Variants in MGAT4A observed in about 807,000 individuals in gnomAD.
The protein encoded by MGAT4A is alpha-1,3-mannosyl-glycoprotein 4-beta-N-acetylglucosaminyltransferase A.
MGAT4A carries 33 observed loss-of-function variants against 74.1 expected under a neutral mutation model. The observed-to-expected ratio is 0.45, with a 90% CI of 0.34 to 0.60. The LOEUF is 0.60. Among genes scored for constraint, MGAT4A ranks in the 20% least tolerant of loss-of-function variants. MGAT4A has a pLI of 0.02. For missense variants in MGAT4A, 479 were observed against 628.3 expected, an observed-to-expected ratio of 0.76 and a Z score of 2.54; for synonymous variants, 198 against 210.4, an observed-to-expected ratio of 0.94 and a Z score of 0.51.
At chr2:98,681,802 T>C (rs1235977067) in intron 2 of MGAT4A, among the ~76,000 whole-genome samples, 6 of 151,938 alleles carry the variant, frequency 3.9e-5, no homozygotes, top group African/African-American at 1.5e-4. Context: ...AAAAAAGAGT[T>C]TTTTTAAGAA....
At chr2:98,687,817 T>C (rs906559808) in intron 2 of MGAT4A, among the ~76,000 whole-genome samples, 2 of 152,126 alleles carry the variant, frequency 1.3e-5, no homozygotes, top group Non-Finnish European at 2.9e-5. Context: ...CAACACCGGC[T>C]AGTGCTTCCA....
chr2:98,713,737 C>G (rs1208431093), intron 2 of MGAT4A, among the ~76,000 whole-genome samples: 3 of 152,110 alleles, frequency 2.0e-5, no homozygotes, highest in Non-Finnish European at 2.9e-5. Context: ...CTCAGCATAC[C>G]TTTTTTACTG....
chr2:98,625,822 A>G lies in MGAT4A; in HGVS notation c.1482T>C (p.Asn494=). The change falls in exon 15 of 16, where the codon AAT becomes AAC. Residue 494 remains asparagine (N), a synonymous_variant. Transcript: ENST00000393487. The part of the protein sequence containing the change: ...DGYFRIGKFE[N]GVAEGMVDPS... Reference sequence around the variant, plus strand: ...GATCCACCATTCCTTCTGCAACACCATTCTCAAATTTTCCTTCAAAATAAA... The same window carrying G: ...GATCCACCATTCCTTCTGCAACACCGTTCTCAAATTTTCCTTCAAAATAAA... 6.2e-7 allele frequency: 1 copy of G among 1,607,876 alleles called. No homozygotes were observed. The highest frequency in any genetic ancestry group is 8.5e-7 in the Non-Finnish European group (1 of 1,175,292).
rs1301261161 is a variant in MGAT4A at position 98,621,441 on chromosome 2, A to G, written c.*4125T>C. 2 of 1,551,600 alleles carry G rather than the reference A, an allele frequency of 1.3e-6. No individual in the cohort carries two copies. The highest frequency in any genetic ancestry group is 1.2e-5 in the South Asian group (1 of 84,050). On this transcript the variant is annotated 3_prime_UTR_variant, in exon 16 of 16. Coordinates refer to ENST00000393487, the MANE Select transcript of MGAT4A (RefSeq NM_012214.3). ...GCAGCCCCCTCTACCTTAAAACAGC[A>G]ATGGTGCCTGAGGTCCTTCTGCTTT... is the stretch of plus-strand genomic sequence containing the variant.
chr2:98,642,800 C>G (rs1387652141), intron 10 of MGAT4A, among the ~76,000 whole-genome samples: 1 of 152,116 alleles, frequency 6.6e-6, no homozygotes, highest in African/African-American at 2.4e-5. Context: ...TCTGCCATTG[C>G]TAGATTCCAT....
Position 98,625,189 on chromosome 2 carries a change from T to A in MGAT4A, c.*377A>T. On this transcript the variant is annotated 3_prime_UTR_variant, in exon 16 of 16. Transcript: ENST00000393487. The stretch of plus-strand genomic sequence containing the variant: ...ATCCCTGATAATCTATAAAAGAGGG[T>A]CTATAATAGTAAAATAAGTGAACCT... 2.4e-6 allele frequency: 2 copies of A among 830,774 alleles called. No individual in the cohort carries two copies. The highest frequency in any genetic ancestry group is 2.9e-6 in the Non-Finnish European group (2 of 687,888). 51.5% of individuals were successfully genotyped at this position (830,774 alleles called of 1,614,324 possible). A position where few individuals can be genotyped will look rare whatever the true frequency, so the allele number is the denominator to read the frequency against.
At position 98,622,472 on chromosome 2, in the gene MGAT4A, C is replaced by T. The variant is rs562803340; in HGVS notation, c.*3094G>A. 2.0e-6 allele frequency: 2 copies of T among 985,424 alleles called. No individual in the cohort carries two copies. The highest frequency in any genetic ancestry group is 1.1e-4 in the East Asian group (1 of 8,810). The allele number at this position is 985,424 out of a possible 1,614,324, so 61.0% of individuals were successfully genotyped here. On this transcript the variant is annotated 3_prime_UTR_variant, in exon 16 of 16. Transcript: ENST00000393487. ...TAGTCCCAACCTTTGACACTTTTTC[C>T]ATTTACTATTTTGGTAAAATGATTC...
chr2:98,722,536 G>T (rs920018865), intron 2 of MGAT4A, among the ~76,000 whole-genome samples: 2 of 152,180 alleles, frequency 1.3e-5, no homozygotes, highest in African/African-American at 4.8e-5. Flanking sequence ...GGAGGGGAGG[G>T]GAGGGAGGTA....
chr2:98,722,069 C>T (rs546095673), intron 2 of MGAT4A, among the ~76,000 whole-genome samples: 1 of 152,172 alleles, frequency 6.6e-6, no homozygotes, highest in Non-Finnish European at 1.5e-5. Flanking sequence ...CAGGTCTCAT[C>T]ACTTTGAAAA....
intron 2 of MGAT4A, among the ~76,000 whole-genome samples, chr2:98,685,955 T>C (rs1343168031): frequency 6.6e-6 from 1 of 152,202 alleles, no homozygotes; most frequent in Admixed American, 6.5e-5. Context: ...AGTTCTAGTC[T>C]ACCAGTTCCT....
rs1235038369 is a variant in MGAT4A at position 98,619,806 on chromosome 2, A to C, written c.*5760T>G. 2.0e-5 allele frequency: 3 copies of C among 152,252 alleles called. No homozygotes were observed. The highest frequency in any genetic ancestry group is 7.2e-5 in the African/African-American group (3 of 41,468). 9.4% of individuals were successfully genotyped at this position (152,252 alleles called of 1,614,324 possible). Reference sequence around the variant, plus strand: ...CTAATACAATGAAACAACTAGGAGCAAGTGACACATAAAATAGCCTCCCTA... The same window carrying C: ...CTAATACAATGAAACAACTAGGAGCCAGTGACACATAAAATAGCCTCCCTA... On this transcript the variant is annotated 3_prime_UTR_variant, in exon 16 of 16. Coordinates refer to ENST00000393487, the MANE Select transcript of MGAT4A (RefSeq NM_012214.3).
intron 14 of MGAT4A, among the ~76,000 whole-genome samples, chr2:98,627,312 T>G (rs1701159560): frequency 6.6e-6 from 1 of 152,234 alleles, no homozygotes; most frequent in African/African-American, 2.4e-5. Flanking sequence ...TAAGCACCAT[T>G]TTGTCTTGTA....
chr2:98,659,489 T>C lies in MGAT4A; in HGVS notation c.538-1225A>G, dbSNP rs188687477. On this transcript the variant is annotated intron_variant, in intron 5 of 15. Transcript: ENST00000393487. ...CATTTTTGAGCCAGCCAGAGCCCTA[T>C]TGATATGGTTTGGCGTGTCCCCACC... Among the ~76,000 whole-genome samples, 10 of 152,248 alleles carry C rather than the reference T, an allele frequency of 6.6e-5. No individual in the cohort carries two copies. In the East Asian group the frequency reaches 1.2e-3, roughly 18 times the overall value.
At position 98,710,528 on chromosome 2, in the gene MGAT4A, C is replaced by T. The variant is rs182910106; in HGVS notation, c.94+15711G>A. Among the ~76,000 whole-genome samples, 466 of 152,230 alleles carry T rather than the reference C, an allele frequency of 3.1e-3. 2 individuals carry two copies. The highest frequency in any genetic ancestry group is 0.011 in the African/African-American group (440 of 41,528). ...AGGCTGGAGTGCAGTGGCCCGAACT[C>T]GGCTCACTGCAAACTTCACCTCCCC... On this transcript the variant is annotated intron_variant, in intron 2 of 15. Transcript: ENST00000393487.
rs546155224 is a variant in MGAT4A at position 98,635,774 on chromosome 2, C to T, written c.1402-486G>A. ...TTGGGAGGCCGAGGCGGGTGGATCA[C>T]GAGGTCAGGAGATCAAGACCATCCT... On this transcript the variant is annotated intron_variant, in intron 13 of 15. Transcript: ENST00000393487. 9.2e-5 allele frequency among the ~76,000 whole-genome samples: 14 copies of T among 151,896 alleles called. No individual in the cohort carries two copies. In the East Asian group the frequency reaches 9.8e-4, roughly 11 times the overall value.
At chr2:98,723,979 A>G (rs1209088880) in intron 2 of MGAT4A, among the ~76,000 whole-genome samples, 1 of 152,212 alleles carries the variant, frequency 6.6e-6, no homozygotes, top group Non-Finnish European at 1.5e-5. Flanking sequence ...AATATCTCCA[A>G]TTGTTGTTAT....
At chr2:98,700,396 CTA>C (rs1182323005) in intron 2 of MGAT4A, among the ~76,000 whole-genome samples, 1 of 148,994 alleles carries the variant, frequency 6.7e-6, no homozygotes, top group Non-Finnish European at 1.5e-5. Context: ...AGTATATACT[CTA>C]TATTATATTA....
chr2:98,702,451 A>G (rs1320630780), intron 2 of MGAT4A, among the ~76,000 whole-genome samples: 1 of 152,228 alleles, frequency 6.6e-6, no homozygotes, highest in East Asian at 1.9e-4. Flanking sequence ...TAGGGGGCTT[A>G]TAAAGCTCTT....
chr2:98,696,575 A>G (rs1227103865), intron 2 of MGAT4A, among the ~76,000 whole-genome samples: 1 of 152,240 alleles, frequency 6.6e-6, no homozygotes, highest in Non-Finnish European at 1.5e-5. Context: ...GTCATCTCTT[A>G]ATACACTAGA....
Sources: allele counts gnomAD v4.1 joint callset (sites outside exome capture counted in the v4.1 genomes callset), GRCh38; gene constraint gnomAD v4.1.1; transcripts MANE v1.5; gene names NCBI Gene and HGNC (gene_info 2026-07-23, HGNC 2026-07-21).